SAXO2: variants seen among roughly 807,000 people sequenced by gnomAD.
The protein encoded by SAXO2 is family with sequence similarity 154, member B.
In SAXO2, 17 loss-of-function variants were observed where a neutral mutation model predicts 18.7. The ratio of observed to expected loss-of-function variants is 0.91; its 90% confidence interval spans 0.62 to 1.36. SAXO2 has a LOEUF of 1.36. Among genes scored for constraint, SAXO2 ranks in the 40% most tolerant of loss-of-function variants. The pLI is 0.00. For missense variants in SAXO2, 486 were observed against 562.6 expected (o/e 0.86, Z 1.38); for synonymous variants, 163 against 181.2 (o/e 0.90, Z 0.81).
chr15:82,274,007 A>T (rs529781206), intron 3 of SAXO2, among the ~76,000 whole-genome samples: 1 of 152,110 alleles, frequency 6.6e-6, no homozygotes, highest in South Asian at 2.1e-4. Context: ...AAGTGCTGGG[A>T]TTACAGGCAT....
chr15:82,273,887 G>A (rs972091756), intron 3 of SAXO2, among the ~76,000 whole-genome samples: 2 of 151,822 alleles, frequency 1.3e-5, no homozygotes, highest in Admixed American at 6.6e-5. Flanking sequence ...ACAGGTGTGC[G>A]CCACCACGCC....
intron 3 of SAXO2, chr15:82,272,103 T>C (rs756699714): frequency 5.3e-5 from 16 of 303,652 alleles, no homozygotes; most frequent in Non-Finnish European, 9.8e-5. Flanking sequence ...CATTTGTCAC[T>C]TTGTGTCACA....
intron 3 of SAXO2, 66 bp downstream of exon 3, chr15:82,271,868 A>C: frequency 1.5e-6 from 2 of 1,336,850 alleles, no homozygotes; most frequent in Non-Finnish European, 2.1e-6. Flanking sequence ...TTAACATCTA[A>C]TATCAAATTA....
In SAXO2 at chr15:82,271,810, G is replaced by A. The variant is rs2075275096; in HGVS notation, c.433+8G>A. 1 of 1,607,890 alleles carries A rather than the reference G, an allele frequency of 6.2e-7. No individual in the cohort carries two copies. The highest frequency in any genetic ancestry group is 1.1e-5 in the South Asian group (1 of 89,344). ...CTGTCCCAACCTATAAAGGTAACTT[G>A]CTGTTTCATACATGAAGGAGCCAAA... On this transcript the variant is annotated splice_region_variant and intron_variant, in intron 3 of 3. Transcript: ENST00000682753.
rs1007887280 is a variant in SAXO2 at position 82,263,568 on chromosome 15, T to C, written c.53+636T>C. 1.6e-5 allele frequency: 10 copies of C among 608,458 alleles called. No homozygotes were observed. In the African/African-American group the frequency reaches 1.8e-4, roughly 11 times the overall value. 37.7% of individuals were successfully genotyped at this position (608,458 alleles called of 1,614,324 possible). On this transcript the variant is annotated intron_variant, in intron 1 of 3. Transcript: ENST00000682753. ...ACCCAGGGATTAGATCATTATTTGC[T>C]AAGTAAATATGAACGTTGTCAATCC...
At chr15:82,262,986 C>T in intron 1 of SAXO2, 54 bp downstream of exon 1, 1 of 1,568,430 alleles carries the variant, frequency 6.4e-7, no homozygotes, top group South Asian at 1.2e-5. Flanking sequence ...GACCTAGGGC[C>T]TAGGTGCACG....
At chr15:82,266,387 A>G (rs1287080848) in intron 2 of SAXO2, among the ~76,000 whole-genome samples, 1 of 152,190 alleles carries the variant, frequency 6.6e-6, no homozygotes, top group African/African-American at 2.4e-5. Flanking sequence ...ACCAAACCCT[A>G]TCACTTCTCT....
At chr15:82,265,834 C>A in intron 2 of SAXO2, 86 bp downstream of exon 2, 1 of 1,057,562 alleles carries the variant, frequency 9.5e-7, no homozygotes, top group Non-Finnish European at 1.3e-6. Context: ...TTAAATTGAA[C>A]TGTTCAGTTG....
chr15:82,270,648 G>A lies in SAXO2; in HGVS notation c.234-955G>A, dbSNP rs557954588. On this transcript the variant is annotated intron_variant, in intron 2 of 3. Coordinates refer to ENST00000682753, the MANE Select transcript of SAXO2 (RefSeq NM_001348699.2). ...ATAGTTTAATCACAAAATGAGTCACGTGTCAATAGAGTCCAGAAGAAAAAA... is the reference window on the plus strand; with the variant it reads ...ATAGTTTAATCACAAAATGAGTCACATGTCAATAGAGTCCAGAAGAAAAAA... Among the ~76,000 whole-genome samples the A allele has an allele frequency of 3.0e-4, 46 of 152,282 alleles. 1 individual carries two copies. The highest frequency in any genetic ancestry group is 9.9e-4 in the African/African-American group (41 of 41,554).
chr15:82,279,806 C>A (rs2075347583), intron 3 of SAXO2, among the ~76,000 whole-genome samples: 1 of 152,156 alleles, frequency 6.6e-6, no homozygotes, highest in Non-Finnish European at 1.5e-5. Context: ...CAAAGAAGAA[C>A]CTAGAACAGC....
chr15:82,282,640 C>T lies in SAXO2; in HGVS notation c.955C>T (p.Gln319Ter). 6.2e-7 allele frequency: 1 copy of T among 1,614,170 alleles called. No individual in the cohort carries two copies. Among genetic ancestry groups the T allele is most frequent in the Non-Finnish European group, 8.5e-7 (1 of 1,180,016 alleles). Residue 319 changes from glutamine (Q) to a stop codon, truncating the protein, a stop_gained, in exon 4 of 4, where the codon CAG becomes TAG. Coordinates refer to ENST00000682753, the MANE Select transcript of SAXO2 (RefSeq NM_001348699.2). LOFTEE classifies it high-confidence loss of function. ...AAGCCATCTTGACTATGTTCCATAT[C>T]AGGCCAACCATGTTGTTCCCATCAG... ...STSHLDYVPY[Q>*]ANHVVPIRPV...
intron 2 of SAXO2, among the ~76,000 whole-genome samples, chr15:82,268,837 A>T (rs2075243943): frequency 6.6e-6 from 1 of 152,130 alleles, no homozygotes; most frequent in Non-Finnish European, 1.5e-5. Context: ...CTCTACTACT[A>T]CTCCATAGAA....
chr15:82,266,159 CA>C (rs1161681109), intron 2 of SAXO2, among the ~76,000 whole-genome samples: 1 of 151,338 alleles, frequency 6.6e-6, no homozygotes, highest in Non-Finnish European at 1.5e-5. Context: ...AAAAAAATCA[CA>C]AAAAAATCTC....
At chr15:82,277,805 C>T (rs1331272210) in intron 3 of SAXO2, among the ~76,000 whole-genome samples, 2 of 152,124 alleles carry the variant, frequency 1.3e-5, no homozygotes, top group African/African-American at 4.8e-5. Flanking sequence ...TTCATTACAT[C>T]TTTAATTGCT....
At chr15:82,265,488 T>C (rs2075207972) in intron 1 of SAXO2, 81 bp from the exon 2 acceptor site, 3 of 1,068,098 alleles carry the variant, frequency 2.8e-6, no homozygotes, top group Non-Finnish European at 3.6e-6. Context: ...AAATTGTGAG[T>C]TTATTAGAGG....
intron 2 of SAXO2, among the ~76,000 whole-genome samples, chr15:82,270,640 T>C (rs2075262601): frequency 6.6e-6 from 1 of 152,152 alleles, no homozygotes; most frequent in Admixed American, 6.5e-5. Context: ...AATCACAAAA[T>C]GAGTCACGTG....
intron 2 of SAXO2, 33 bp from the exon 3 acceptor site, chr15:82,271,570 T>C (rs1199768440): frequency 6.6e-7 from 1 of 1,522,416 alleles, no homozygotes; most frequent in Non-Finnish European, 8.9e-7. Flanking sequence ...TAAAAGAACT[T>C]GTGAGGCTAT....
At position 82,262,901 on chromosome 15, in the gene SAXO2, A is replaced by C; in HGVS notation, c.22A>C (p.Ser8Arg). 1 of 1,603,012 alleles carries C rather than the reference A, an allele frequency of 6.2e-7. No homozygotes were observed. The stretch of plus-strand genomic sequence containing the variant: ...AAGCATGGGAGCCAAGAGTATGAGG[A>C]GCTGGTGTCTGTGTCAGATTTGTAG... Reference protein sequence around the residue: MGAKSMRSWCLCQICSCG... With the variant: MGAKSMRRWCLCQICSCG... The change falls in exon 1 of 4, where the codon AGC becomes CGC. Residue 8 changes from serine (S) to arginine (R), a missense_variant. Ser to Arg is a moderately radical substitution (Grantham distance 110). Coordinates refer to ENST00000682753, the MANE Select transcript of SAXO2 (RefSeq NM_001348699.2).
chr15:82,273,254 G>T (rs1567091470), intron 3 of SAXO2, among the ~76,000 whole-genome samples: 2 of 151,896 alleles, frequency 1.3e-5, no homozygotes, highest in East Asian at 3.8e-4. Context: ...TATGATAGTA[G>T]ATATTACTTT....
Sources: allele counts gnomAD v4.1 joint callset (sites outside exome capture counted in the v4.1 genomes callset), GRCh38; gene constraint gnomAD v4.1.1; transcripts MANE v1.5; gene names NCBI Gene and HGNC (gene_info 2026-07-23, HGNC 2026-07-21).